Variants in MGAT4C observed in about 807,000 individuals in gnomAD.
MGAT4C encodes the protein alpha-1,3-mannosyl-glycoprotein 4-beta-N-acetylglucosaminyltransferase C.
In MGAT4C, 19 loss-of-function variants were observed where a neutral mutation model predicts 40.1. The ratio of observed to expected loss-of-function variants is 0.47; its 90% confidence interval spans 0.33 to 0.70. The LOEUF (loss-of-function observed/expected upper bound fraction) is 0.70, where lower values mean the gene tolerates loss of function less well. MGAT4C is among the 30% of genes least tolerant of loss of function. The pLI is 0.02. For synonymous variants in MGAT4C, 181 were observed against 187.1 expected (o/e 0.97, Z 0.27); for missense variants, 491 against 563.2 (o/e 0.87, Z 1.30).
chr12:85,983,570 A>G lies in MGAT4C; in HGVS notation c.248T>C (p.Ile83Thr), dbSNP rs768927396. ...AGCTAGGTAGCGATAGGTGACATTT[A>G]TGGCTCCTGAGAAATTAGATAAATC... is the stretch of plus-strand genomic sequence containing the variant. ...FKDLSNFSGAINVTYRYLAAT... is the reference protein window; with the variant it reads ...FKDLSNFSGATNVTYRYLAAT... Residue 83 changes from isoleucine (I) to threonine (T), a missense_variant, in exon 4 of 5, where the codon ATA (isoleucine) becomes ACA (threonine). Coordinates refer to ENST00000611864, the MANE Select transcript of MGAT4C (RefSeq NM_001351288.2). 6.3e-7 allele frequency: 1 copy of G among 1,599,392 alleles called. No individual in the cohort carries two copies. Among genetic ancestry groups the G allele is most frequent in the Non-Finnish European group, 8.5e-7 (1 of 1,173,474 alleles).
At chr12:86,248,211 C>CTTCT (rs1447013105) in intron 1 of MGAT4C, among the ~76,000 whole-genome samples, 105 of 136,196 alleles carry the variant, frequency 7.7e-4, no homozygotes, top group African/African-American at 2.8e-3. Context: ...TCCTTCCTTC[C>CTTCT]TTCCTTCCTT....
At chr12:86,801,665 T>A (rs1952228006) in intron 1 of MGAT4C, among the ~76,000 whole-genome samples, 1 of 151,862 alleles carries the variant, frequency 6.6e-6, no homozygotes. Context: ...AAAGTTGGAA[T>A]GAGTCATTCT....
chr12:86,596,322 G>T (rs534688968), intron 2 of MGAT4C, among the ~76,000 whole-genome samples: 170 of 152,190 alleles, frequency 1.1e-3, no homozygotes, highest in African/African-American at 4.0e-3. Context: ...CCCAGAAAAA[G>T]GTGACAATCA....
chr12:86,437,870 C>G (rs906466315), intron 2 of MGAT4C, among the ~76,000 whole-genome samples: 1 of 151,878 alleles, frequency 6.6e-6, no homozygotes, highest in Non-Finnish European at 1.5e-5. Flanking sequence ...CAGACTACCG[C>G]ACTGACCAGC....
chr12:86,655,266 C>T (rs2136540778), intron 2 of MGAT4C, among the ~76,000 whole-genome samples: 1 of 152,136 alleles, frequency 6.6e-6, no homozygotes, highest in South Asian at 2.1e-4. Context: ...CCTCAAGGAT[C>T]TAGAACAAGA....
At chr12:86,708,780 C>T (rs1950508314) in intron 2 of MGAT4C, among the ~76,000 whole-genome samples, 1 of 152,176 alleles carries the variant, frequency 6.6e-6, no homozygotes, top group Admixed American at 6.5e-5. Context: ...TTCATGGGGC[C>T]TGAAACCTCT....
At chr12:86,526,288 G>A (rs1299362651) in intron 2 of MGAT4C, among the ~76,000 whole-genome samples, 1 of 152,142 alleles carries the variant, frequency 6.6e-6, no homozygotes, top group African/African-American at 2.4e-5. Context: ...GGTTGGTAGG[G>A]GGAGGAGGGT....
chr12:86,696,542 G>T (rs1376587241), intron 2 of MGAT4C, among the ~76,000 whole-genome samples: 1 of 152,206 alleles, frequency 6.6e-6, no homozygotes. Context: ...GTTTTTGGAG[G>T]TGGATGCAAA....
intron 1 of MGAT4C, among the ~76,000 whole-genome samples, chr12:86,830,783 C>T (rs576530384): frequency 2.0e-5 from 3 of 151,336 alleles, no homozygotes; most frequent in Non-Finnish European, 4.4e-5. Flanking sequence ...TGGATATCTA[C>T]ACCTCAGGCC....
At chr12:86,537,959 C>T (rs574557559) in intron 2 of MGAT4C, among the ~76,000 whole-genome samples, 2 of 152,074 alleles carry the variant, frequency 1.3e-5, no homozygotes, top group East Asian at 1.9e-4. Flanking sequence ...TGGTGGTGGG[C>T]GCCTGTAATC....
intron 2 of MGAT4C, among the ~76,000 whole-genome samples, chr12:86,038,010 G>A (rs1891413727): frequency 1.3e-5 from 2 of 149,604 alleles, no homozygotes; most frequent in South Asian, 4.2e-4. Flanking sequence ...GACAGTTTGA[G>A]AGAGAATGTG....
At chr12:86,554,656 C>T (rs575357732) in intron 2 of MGAT4C, among the ~76,000 whole-genome samples, 167 of 152,292 alleles carry the variant, frequency 1.1e-3, no homozygotes, top group Middle Eastern at 6.8e-3. Context: ...ATTGCAACCA[C>T]CAAATCATAT....
intron 1 of MGAT4C, among the ~76,000 whole-genome samples, chr12:86,077,406 T>C (rs78627753): frequency 0.023 from 3,429 of 152,268 alleles, 108 homozygotes; most frequent in African/African-American, 0.078. Context: ...AATCTTACAT[T>C]ACATGATAAA....
intron 2 of MGAT4C, among the ~76,000 whole-genome samples, chr12:86,625,635 T>C (rs1302072781): frequency 6.6e-6 from 1 of 152,056 alleles, no homozygotes; most frequent in Non-Finnish European, 1.5e-5. Context: ...CTGGAAAGCA[T>C]ACTAACAGAT....
In MGAT4C at chr12:85,969,896, A is replaced by G. The variant is rs1204632360; in HGVS notation, c.*9393T>C. On this transcript the variant is annotated 3_prime_UTR_variant, in exon 5 of 5. Coordinates refer to ENST00000611864, the MANE Select transcript of MGAT4C (RefSeq NM_001351288.2). ...TATGGTTGTTTAATCTATTAAATAGACAGTGAAATGCACATGAAATCTTCA... is the reference window on the plus strand; with the variant it reads ...TATGGTTGTTTAATCTATTAAATAGGCAGTGAAATGCACATGAAATCTTCA... The G allele has an allele frequency of 6.6e-6, 1 of 151,430 alleles. No individual in the cohort carries two copies. The highest frequency in any genetic ancestry group is 1.5e-5 in the Non-Finnish European group (1 of 67,508). The allele number at this position is 151,430 out of a possible 1,614,324, so 9.4% of individuals were successfully genotyped here. A position where few individuals can be genotyped will look rare whatever the true frequency, so the allele number is the denominator to read the frequency against.
At chr12:86,115,854 C>A (rs189135355) in intron 1 of MGAT4C, among the ~76,000 whole-genome samples, 25 of 152,080 alleles carry the variant, frequency 1.6e-4, no homozygotes, top group Admixed American at 5.3e-4. Context: ...ATGAACAAGG[C>A]AGCCAACATC....
At chr12:86,797,727 G>A (rs1952153653) in intron 1 of MGAT4C, among the ~76,000 whole-genome samples, 1 of 151,854 alleles carries the variant, frequency 6.6e-6, no homozygotes. Flanking sequence ...AATCAATCCT[G>A]TAACTTGTCC....
chr12:86,531,172 C>T (rs886780119), intron 2 of MGAT4C, among the ~76,000 whole-genome samples: 1 of 152,056 alleles, frequency 6.6e-6, no homozygotes, highest in Non-Finnish European at 1.5e-5. Flanking sequence ...TTAAAAAATG[C>T]ATCATAAACT....
chr12:86,612,662 T>C (rs1422905686), intron 2 of MGAT4C, among the ~76,000 whole-genome samples: 2 of 143,260 alleles, frequency 1.4e-5, no homozygotes, highest in Non-Finnish European at 3.0e-5. Context: ...ATCGCTTGAA[T>C]CCGGGAAGCG....
Sources: allele counts gnomAD v4.1 joint callset (sites outside exome capture counted in the v4.1 genomes callset), GRCh38; gene constraint gnomAD v4.1.1; transcripts MANE v1.5; gene names NCBI Gene and HGNC (gene_info 2026-07-23, HGNC 2026-07-21).